PICK1: variants seen among roughly 807,000 people sequenced by gnomAD.
The protein encoded by PICK1 is protein interacting with PRKCA 1, also known as PRKCA-binding protein.
Under a neutral mutation model 48.9 loss-of-function variants are expected in PICK1, and 23 were observed. The ratio of observed to expected loss-of-function variants is 0.47; its 90% confidence interval spans 0.34 to 0.67. The LOEUF (loss-of-function observed/expected upper bound fraction) is 0.67, where lower values mean the gene tolerates loss of function less well. Among genes scored for constraint, PICK1 ranks in the 30% least tolerant of loss-of-function variants. The pLI, the probability that PICK1 is intolerant of heterozygous loss-of-function variation, is 0.01. For missense variants in PICK1, 423 were observed against 557.1 expected (o/e 0.76, Z 2.42); for synonymous variants, 217 against 228.2 (o/e 0.95, Z 0.44).
chr22:38,061,727 C>T (rs944945340), intron 3 of PICK1, among the ~76,000 whole-genome samples: 3 of 152,100 alleles, frequency 2.0e-5, no homozygotes, highest in African/African-American at 7.2e-5. Context: ...TGCCATGTTG[C>T]CCAGGCTTGT....
In PICK1 at chr22:38,075,360, G is replaced by C. The variant is rs890105173; in HGVS notation, c.*228G>C. 3 of 543,180 alleles carry C rather than the reference G, an allele frequency of 5.5e-6. No homozygotes were observed. Among genetic ancestry groups the C allele is most frequent in the Non-Finnish European group, 9.8e-6 (3 of 307,140 alleles). 33.6% of individuals were successfully genotyped at this position (543,180 alleles called of 1,614,324 possible). On this transcript the variant is annotated 3_prime_UTR_variant, in exon 13 of 13. Coordinates refer to ENST00000356976, the MANE Select transcript of PICK1 (RefSeq NM_012407.4). ...GCCCCTCCACCCTCCCTCCCCTCCC[G>C]GCTCCCCGGCCAGAGGGAGAGCTTG...
rs779283822 is a variant in PICK1 at position 38,073,724 on chromosome 22, C to G, written c.784-49C>G. Reference sequence around the variant, plus strand: ...GGGTGATGGGGGTGGAGCTGGGGACCTGGGGTGGGGGTAGTAGCCACTCTG... The same window carrying G: ...GGGTGATGGGGGTGGAGCTGGGGACGTGGGGTGGGGGTAGTAGCCACTCTG... On this transcript the variant is annotated intron_variant, in intron 10 of 12. Transcript: ENST00000356976. This position sits in a 1 kb window ranked among gnomAD's most constrained non-coding sequence, Gnocchi z 5.7. 1.3e-6 allele frequency: 2 copies of G among 1,561,780 alleles called. No individual in the cohort carries two copies. Among genetic ancestry groups the G allele is most frequent in the Non-Finnish European group, 1.8e-6 (2 of 1,134,096 alleles).
chr22:38,069,709 G>A (rs1658417453), intron 6 of PICK1, among the ~76,000 whole-genome samples: 1 of 152,184 alleles, frequency 6.6e-6, no homozygotes, highest in African/African-American at 2.4e-5. Flanking sequence ...GCTCAGCTGG[G>A]CACACTGGGC....
At chr22:38,063,276 AC>A (rs2085450113) in intron 3 of PICK1, among the ~76,000 whole-genome samples, 1 of 146,524 alleles carries the variant, frequency 6.8e-6, no homozygotes, top group African/African-American at 2.5e-5. Context: ...CCCACCTCAG[AC>A]CCCCGAGTAG....
At chr22:38,070,744 C>T in intron 6 of PICK1, 94 bp from the exon 7 acceptor site, 1 of 1,028,506 alleles carries the variant, frequency 9.7e-7, no homozygotes, top group Non-Finnish European at 1.5e-6. Flanking sequence ...TCCTGGTTCT[C>T]CTCTGGGGTT....
intron 3 of PICK1, among the ~76,000 whole-genome samples, chr22:38,063,835 G>A (rs2085463755): frequency 6.6e-6 from 1 of 151,694 alleles, no homozygotes; most frequent in South Asian, 2.1e-4. Context: ...TAGAGACAAG[G>A]TTTTGCCACA....
At chr22:38,063,642 CTTT>C (rs201143064) in intron 3 of PICK1, among the ~76,000 whole-genome samples, 1 of 131,634 alleles carries the variant, frequency 7.6e-6, no homozygotes, top group African/African-American at 2.8e-5. Context: ...CTTCTCTGTT[CTTT>C]TTTTTTTTTT....
rs370094966 is a variant in PICK1, at chr22:38,067,819, G to A, written c.349+49G>A. ...GGTGTCCAGCAGCCTCCCTGGATGGGCCCTGGCCCAAAGGAGAAGTGCCAC... is the reference window on the plus strand; with the variant it reads ...GGTGTCCAGCAGCCTCCCTGGATGGACCCTGGCCCAAAGGAGAAGTGCCAC... On this transcript the variant is annotated intron_variant, in intron 5 of 12. Coordinates refer to ENST00000356976, the MANE Select transcript of PICK1 (RefSeq NM_012407.4). The A allele has an allele frequency of 4.7e-6, 7 of 1,501,212 alleles. No individual in the cohort carries two copies. The African/African-American group carries it at 9.6e-5, about 21-fold the overall frequency. 93.0% of individuals were successfully genotyped at this position (1,501,212 alleles called of 1,614,324 possible).
intron 9 of PICK1, 92 bp downstream of exon 9, chr22:38,072,702 G>A: frequency 6.5e-7 from 1 of 1,533,914 alleles, no homozygotes; most frequent in Non-Finnish European, 8.9e-7. Context: ...GGAGTCCTGT[G>A]CCTGGGTACA....
At position 38,074,712 on chromosome 22, in the gene PICK1, T is replaced by G; in HGVS notation, c.980-152T>G. The stretch of plus-strand genomic sequence containing the variant: ...GGCCCCGGGCTGGGCGGCCCCTGCC[T>G]CCGCCCCTTGCCAGGTCATGAGGGG... On this transcript the variant is annotated intron_variant, in intron 12 of 12. Transcript: ENST00000356976. The surrounding 1 kb of genome is among the most constrained non-coding windows in gnomAD (Gnocchi z 4.5). 4 of 1,111,380 alleles carry G rather than the reference T, an allele frequency of 3.6e-6. No homozygotes were observed. The highest frequency in any genetic ancestry group is 5.1e-6 in the Non-Finnish European group (4 of 777,452). The allele number at this position is 1,111,380 out of a possible 1,614,324, so 68.8% of individuals were successfully genotyped here.
At position 38,070,899 on chromosome 22, in the gene PICK1, G is replaced by A; in HGVS notation, c.493+8G>A. Reference sequence around the variant, plus strand: ...CCGCTGAGCTATACAAAGGTGGGTGGGGGGTGGCCTCGTCCTGGCACTAGC... The same window carrying A: ...CCGCTGAGCTATACAAAGGTGGGTGAGGGGTGGCCTCGTCCTGGCACTAGC... On this transcript the variant is annotated splice_region_variant and intron_variant, in intron 7 of 12. Coordinates refer to ENST00000356976, the MANE Select transcript of PICK1 (RefSeq NM_012407.4). 3.7e-6 allele frequency: 6 copies of A among 1,613,158 alleles called. No homozygotes were observed. Among genetic ancestry groups the A allele is most frequent in the East Asian group, 2.2e-5 (1 of 44,884 alleles).
Position 38,066,299 on chromosome 22 carries a change from G to T in PICK1, c.282+1169G>T, listed in dbSNP as rs1465964854. On this transcript the variant is annotated intron_variant, in intron 4 of 12. Transcript: ENST00000356976. This position sits in a 1 kb window ranked among gnomAD's most constrained non-coding sequence, Gnocchi z 4.1. The stretch of plus-strand genomic sequence containing the variant: ...AACAGGTGCAGGGGGTCTCGTTCTG[G>T]CCGAGTTGGGTTGTGTGTGCCCCAT... Among the ~76,000 whole-genome samples the T allele has an allele frequency of 6.6e-6, 1 of 152,168 alleles. No homozygotes were observed. Among genetic ancestry groups the T allele is most frequent in the African/African-American group, 2.4e-5 (1 of 41,436 alleles).
chr22:38,060,203 G>A (rs1326537983), intron 3 of PICK1, among the ~76,000 whole-genome samples: 2 of 152,172 alleles, frequency 1.3e-5, no homozygotes, highest in African/African-American at 2.4e-5. Flanking sequence ...CTGGGTGACC[G>A]AGTGAGACCC....
intron 7 of PICK1, 31 bp from the exon 8 acceptor site, chr22:38,071,651 C>T (rs2085696756): frequency 2.5e-6 from 4 of 1,600,570 alleles, no homozygotes. Context: ...GCCATGCGTC[C>T]CCATTCCGCA....
intron 3 of PICK1, among the ~76,000 whole-genome samples, chr22:38,063,328 T>G (rs1339622921): frequency 6.6e-6 from 1 of 151,088 alleles, no homozygotes; most frequent in African/African-American, 2.4e-5. Flanking sequence ...GGCTCATTTT[T>G]GTATTTTTTT....
At position 38,074,192 on chromosome 22, in the gene PICK1, A is replaced by C. The variant is rs1222323832; in HGVS notation, c.835-115A>C. On this transcript the variant is annotated intron_variant, in intron 11 of 12. Transcript: ENST00000356976. This position sits in a 1 kb window ranked among gnomAD's most constrained non-coding sequence, Gnocchi z 4.5. Reference sequence around the variant, plus strand: ...AAGCTATCACTGAGTGCTTCTGAGAAACACTGAAGTCTCAGAAATGAGGTC... The same window carrying C: ...AAGCTATCACTGAGTGCTTCTGAGACACACTGAAGTCTCAGAAATGAGGTC... 1.6e-6 allele frequency: 2 copies of C among 1,283,066 alleles called. No homozygotes were observed. Among genetic ancestry groups the C allele is most frequent in the Non-Finnish European group, 2.2e-6 (2 of 900,602 alleles). 79.5% of individuals were successfully genotyped at this position (1,283,066 alleles called of 1,614,324 possible).
chr22:38,061,500 G>A (rs751996329), intron 3 of PICK1, among the ~76,000 whole-genome samples: 2 of 151,932 alleles, frequency 1.3e-5, no homozygotes, highest in South Asian at 2.1e-4. Flanking sequence ...CACCTCACCC[G>A]GCTTTCTCTG....
In PICK1 at chr22:38,067,760, C is replaced by T; in HGVS notation, c.339C>T (p.Ser113=). The change falls in exon 5 of 13, where the codon TCC becomes TCT. Residue 113 remains serine (S), a synonymous_variant. Transcript: ENST00000356976. ...KLQADPKQGM[S]LDIVLKKVKH... is the part of the protein sequence containing the mutation. ...AGGCGGACCCCAAGCAGGGCATGTC[C>T]CTGGACATTGGTAAGCTGGTCAGAG... The T allele has an allele frequency of 1.2e-6, 2 of 1,613,778 alleles. No homozygotes were observed. Among genetic ancestry groups the T allele is most frequent in the Non-Finnish European group, 8.5e-7 (1 of 1,179,698 alleles).
chr22:38,059,186 A>G (rs377498833), intron 2 of PICK1, 48 bp from the exon 3 acceptor site: 36 of 1,388,474 alleles, frequency 2.6e-5, no homozygotes, highest in Admixed American at 1.2e-4. Flanking sequence ...CACCCGCTCC[A>G]GTCATCCTTC....
Sources: gnomAD v4.1 joint callset for allele counts (sites outside exome capture counted in the v4.1 genomes callset) on GRCh38, gnomAD v4.1.1 for gene constraint, Gnocchi (gnomAD v3.1) non-coding constraint, MANE v1.5 for transcripts, NCBI Gene and HGNC (gene_info 2026-07-23, HGNC 2026-07-21) for gene names.